The following RBFOX1 variants were observed in gnomAD, a reference collection of about 807,000 sequenced individuals.
RBFOX1 encodes RNA binding fox-1 homolog 1, also known as RNA binding protein fox-1 homolog 1.
In RBFOX1, 8 loss-of-function variants were observed where a neutral mutation model predicts 57.7. The ratio of observed to expected loss-of-function variants is 0.14; its 90% CI spans 0.08 to 0.25. RBFOX1 has a LOEUF of 0.25. Among genes scored for constraint, RBFOX1 ranks in the 10% least tolerant of loss-of-function variants. The pLI is 1.00. For missense variants in RBFOX1, 611 were observed against 548.5 expected (o/e 1.11, Z -1.14); for synonymous variants, 326 against 222.4 (o/e 1.47, Z -4.15).
chr16:6,381,835 T>C (rs2152918388), intron 2 of RBFOX1, among the ~76,000 whole-genome samples: 1 of 152,384 alleles, frequency 6.6e-6, no homozygotes, highest in South Asian at 2.1e-4. Flanking sequence ...TGCATTCACC[T>C]GGTCAGTTTC....
At chr16:6,848,857 C>T (rs1809875619) in intron 3 of RBFOX1, among the ~76,000 whole-genome samples, 1 of 152,134 alleles carries the variant, frequency 6.6e-6, no homozygotes, top group South Asian at 2.1e-4. Flanking sequence ...CCCAAATTCA[C>T]TGATTGTATT....
chr16:7,176,618 A>T (rs944943331), intron 4 of RBFOX1, among the ~76,000 whole-genome samples: 1 of 152,132 alleles, frequency 6.6e-6, no homozygotes, highest in African/African-American at 2.4e-5. Flanking sequence ...TAGTGACAGA[A>T]ACTATATGGG....
chr16:6,940,843 C>T (rs1335926849), intron 3 of RBFOX1, among the ~76,000 whole-genome samples: 10 of 87,164 alleles, frequency 1.1e-4, no homozygotes, highest in African/African-American at 1.9e-4. Context: ...CCACCATGTC[C>T]GGCTAGTCTG....
At chr16:7,355,006 G>C (rs2097190275) in intron 4 of RBFOX1, among the ~76,000 whole-genome samples, 1 of 152,136 alleles carries the variant, frequency 6.6e-6, no homozygotes, top group Non-Finnish European at 1.5e-5. Context: ...AAAATTAATA[G>C]TTAACGTTTG....
At chr16:5,376,300 C>G (rs1419740809) in intron 1 of RBFOX1, among the ~76,000 whole-genome samples, 1 of 152,094 alleles carries the variant, frequency 6.6e-6, no homozygotes, top group South Asian at 2.1e-4. Flanking sequence ...GCTGCTGAGT[C>G]CTACCCTCAG....
At chr16:6,437,406 T>A (rs1363801647) in intron 2 of RBFOX1, among the ~76,000 whole-genome samples, 1 of 152,228 alleles carries the variant, frequency 6.6e-6, no homozygotes, top group African/African-American at 2.4e-5. Context: ...ATCTTTTATT[T>A]TCTTTTCCCT....
At chr16:7,281,402 CTT>C (rs1381669028) in intron 4 of RBFOX1, among the ~76,000 whole-genome samples, 1 of 151,908 alleles carries the variant, frequency 6.6e-6, no homozygotes, top group African/African-American at 2.4e-5. Context: ...AGCCAGGTGA[CTT>C]TGTGCAAAAC....
At chr16:7,268,380 C>T (rs908989640) in intron 4 of RBFOX1, among the ~76,000 whole-genome samples, 1 of 152,180 alleles carries the variant, frequency 6.6e-6, no homozygotes. Context: ...CCTTGGAGGA[C>T]TCGCTCTCAC....
chr16:6,731,861 C>G (rs745837225), intron 3 of RBFOX1, among the ~76,000 whole-genome samples: 2 of 152,116 alleles, frequency 1.3e-5, no homozygotes, highest in Non-Finnish European at 2.9e-5. Context: ...TTGTCTGCCT[C>G]TAGGGGAATC....
intron 2 of RBFOX1, among the ~76,000 whole-genome samples, chr16:6,396,088 G>C (rs1358004361): frequency 9.3e-6 from 1 of 106,990 alleles, no homozygotes; most frequent in Non-Finnish European, 1.9e-5. Flanking sequence ...AAAAAAAAAA[G>C]GACAACTAAC....
chr16:6,663,233 G>A (rs766862798), intron 3 of RBFOX1, among the ~76,000 whole-genome samples: 13 of 152,168 alleles, frequency 8.5e-5, no homozygotes, highest in Non-Finnish European at 2.9e-5. Context: ...CAATGGATGG[G>A]TGTCATGAAT....
At chr16:6,666,585 G>A (rs550355870) in intron 3 of RBFOX1, among the ~76,000 whole-genome samples, 1 of 151,724 alleles carries the variant, frequency 6.6e-6, no homozygotes, top group East Asian at 1.9e-4. Flanking sequence ...GGTCACCCAG[G>A]TGGTAACTGT....
At chr16:7,111,976 T>C (rs1479938843) in intron 4 of RBFOX1, among the ~76,000 whole-genome samples, 1 of 152,168 alleles carries the variant, frequency 6.6e-6, no homozygotes, top group East Asian at 1.9e-4. Flanking sequence ...GGCTTAACCC[T>C]TGAAGGACAG....
intron 5 of RBFOX1, among the ~76,000 whole-genome samples, chr16:7,560,381 A>T (rs1368432147): frequency 6.6e-6 from 1 of 152,108 alleles, no homozygotes; most frequent in Non-Finnish European, 1.5e-5. Flanking sequence ...CATTTCAGAA[A>T]CATGACACAA....
At chr16:5,972,424 C>G (rs367765166) in intron 4 of RBFOX1, among the ~76,000 whole-genome samples, 3 of 152,196 alleles carry the variant, frequency 2.0e-5, no homozygotes, top group East Asian at 1.9e-4. Context: ...AAAGAAACCT[C>G]TCATTATGTG....
intron 1 of RBFOX1, among the ~76,000 whole-genome samples, chr16:6,081,692 A>T (rs1054291179): frequency 6.6e-6 from 1 of 152,196 alleles, no homozygotes; most frequent in African/African-American, 2.4e-5. Flanking sequence ...ACTGACTTTT[A>T]AATGAAAGTT....
chr16:7,067,006 G>T (rs2153762403), intron 4 of RBFOX1, among the ~76,000 whole-genome samples: 1 of 152,242 alleles, frequency 6.6e-6, no homozygotes, highest in South Asian at 2.1e-4. Flanking sequence ...CTAACAAACA[G>T]TAACAGATTA....
chr16:7,353,273 C>A (rs1035636459), intron 4 of RBFOX1, among the ~76,000 whole-genome samples: 1 of 152,054 alleles, frequency 6.6e-6, no homozygotes, highest in African/African-American at 2.4e-5. Context: ...GCATTGATGA[C>A]CCTAGCTAGA....
At chr16:7,554,429 T>C (rs1307186227) in intron 5 of RBFOX1, among the ~76,000 whole-genome samples, 1 of 152,180 alleles carries the variant, frequency 6.6e-6, no homozygotes, top group African/African-American at 2.4e-5. Flanking sequence ...ATACTCAAGG[T>C]TGCACTGCAT....
Sources: gnomAD v4.1 joint callset for allele counts (sites outside exome capture counted in the v4.1 genomes callset) on GRCh38, gnomAD v4.1.1 for gene constraint, MANE v1.5 for transcripts, NCBI Gene and HGNC (gene_info 2026-07-23, HGNC 2026-07-21) for gene names.